MEGF9: variants seen among roughly 807,000 people sequenced by gnomAD.
The protein encoded by MEGF9 is multiple epidermal growth factor-like domains protein 9.
A neutral mutation model predicts 46.8 loss-of-function variants in MEGF9; 6 were observed. The ratio of observed to expected loss-of-function variants is 0.13; its 90% CI spans 0.07 to 0.25. The LOEUF is 0.25. Among genes scored for constraint, MEGF9 ranks in the 10% least tolerant of loss-of-function variants. The pLI is 1.00. For missense variants in MEGF9, 683 were observed against 792.4 expected (o/e 0.86, Z 1.66); for synonymous variants, 302 against 330.7 (o/e 0.91, Z 0.94).
chr9:120,636,247 C>T (rs2043573750), intron 2 of MEGF9, among the ~76,000 whole-genome samples: 1 of 152,108 alleles, frequency 6.6e-6, no homozygotes, highest in African/African-American at 2.4e-5. Context: ...CTACCTCTTC[C>T]TAACTTTCTA....
chr9:120,708,375 C>T (rs542506129), intron 1 of MEGF9, among the ~76,000 whole-genome samples: 2 of 152,184 alleles, frequency 1.3e-5, no homozygotes, highest in Admixed American at 1.3e-4. Flanking sequence ...AAAAACAAAA[C>T]AAAACAAAAC....
chr9:120,606,411 A>G (rs1564410708), intron 5 of MEGF9, among the ~76,000 whole-genome samples: 1 of 152,218 alleles, frequency 6.6e-6, no homozygotes, highest in African/African-American at 2.4e-5. Flanking sequence ...AGGTGTAGGG[A>G]AAACTATACC....
intron 2 of MEGF9, among the ~76,000 whole-genome samples, chr9:120,658,184 A>G (rs1587986807): frequency 6.6e-6 from 1 of 152,072 alleles, no homozygotes; most frequent in Admixed American, 6.5e-5. Context: ...ACGGGGTTTC[A>G]CTGTGCTGGC....
rs141302211 is a variant in MEGF9 at position 120,679,589 on chromosome 9, G to A, written c.602-20014C>T. Among the ~76,000 whole-genome samples, 368 of 151,882 alleles carry A rather than the reference G, an allele frequency of 2.4e-3. 1 individual carries two copies. The highest frequency in any genetic ancestry group is 8.2e-3 in the African/African-American group (340 of 41,408). ...GTATACATATGTGACAAACCTGATC[G>A]TTGTGCACATGTACCCTAGAACTTA... On this transcript the variant is annotated intron_variant, in intron 1 of 5. Transcript: ENST00000373930.
Position 120,651,815 on chromosome 9 carries a change from G to A in MEGF9, c.803+7559C>T, listed in dbSNP as rs377337146. Among the ~76,000 whole-genome samples the A allele has an allele frequency of 1.1e-4, 16 of 151,536 alleles. No individual in the cohort carries two copies. In the East Asian group the frequency reaches 1.6e-3, roughly 15 times the overall value. ...TTACAGGCACCCGCCAGCATGCCCGGCTAATTTTTGTATTTTTAGTAGAGA... is the reference window on the plus strand; with the variant it reads ...TTACAGGCACCCGCCAGCATGCCCGACTAATTTTTGTATTTTTAGTAGAGA... On this transcript the variant is annotated intron_variant, in intron 2 of 5. Coordinates refer to ENST00000373930, the MANE Select transcript of MEGF9 (RefSeq NM_001080497.3).
Position 120,607,979 on chromosome 9 carries a change from C to A in MEGF9, c.1119G>T (p.Gln373His), listed in dbSNP as rs1242228061. Residue 373 changes from glutamine (Q) to histidine (H), a missense_variant, in exon 5 of 6, where the codon CAG (glutamine) becomes CAT (histidine). Physicochemically the swap from Gln to His is conservative, Grantham distance 24. Coordinates refer to ENST00000373930, the MANE Select transcript of MEGF9 (RefSeq NM_001080497.3). ...TCGGGCCTATGTAACCATCTTTACACTGGTCACATTCAGGTTCCAATTCAC... is the reference window on the plus strand; with the variant it reads ...TCGGGCCTATGTAACCATCTTTACAATGGTCACATTCAGGTTCCAATTCAC... ...KSSELEPECD[Q>H]CKDGYIGPNC... 11 of 1,613,856 alleles carry A rather than the reference C, an allele frequency of 6.8e-6. No individual in the cohort carries two copies. The African/African-American group carries it at 1.3e-4, about 20-fold the overall frequency.
chr9:120,680,643 C>T (rs902660162), intron 1 of MEGF9, among the ~76,000 whole-genome samples: 1 of 152,126 alleles, frequency 6.6e-6, no homozygotes, highest in African/African-American at 2.4e-5. Context: ...CCCCTAGACC[C>T]TGGATGTATC....
At chr9:120,644,625 G>T (rs2043617941) in intron 2 of MEGF9, among the ~76,000 whole-genome samples, 1 of 152,064 alleles carries the variant, frequency 6.6e-6, no homozygotes, top group Non-Finnish European at 1.5e-5. Flanking sequence ...TCTGTTTTGG[G>T]GCAAATTAAG....
intron 1 of MEGF9, among the ~76,000 whole-genome samples, chr9:120,679,959 G>A (rs2043791147): frequency 6.7e-6 from 1 of 148,404 alleles, no homozygotes; most frequent in Admixed American, 6.8e-5. Flanking sequence ...AAAAAAGAGA[G>A]AGACTCTGAT....
intron 1 of MEGF9, among the ~76,000 whole-genome samples, chr9:120,709,921 C>T (rs1171958051): frequency 1.3e-5 from 2 of 150,768 alleles, no homozygotes; most frequent in South Asian, 2.1e-4. Flanking sequence ...TGGTGGTGCG[C>T]ACCTGTAATC....
chr9:120,686,146 G>A (rs1294433046), intron 1 of MEGF9, among the ~76,000 whole-genome samples: 1 of 149,796 alleles, frequency 6.7e-6, no homozygotes, highest in Non-Finnish European at 1.5e-5. Context: ...CTGGAGTGCA[G>A]CAGCGTGATC....
chr9:120,634,911 T>C (rs940056311), intron 2 of MEGF9, among the ~76,000 whole-genome samples: 1 of 152,220 alleles, frequency 6.6e-6, no homozygotes, highest in Non-Finnish European at 1.5e-5. Flanking sequence ...TAACAGTGAA[T>C]GTTACACTTT....
intron 2 of MEGF9, among the ~76,000 whole-genome samples, chr9:120,650,770 T>G (rs2043645976): frequency 1.3e-5 from 2 of 152,102 alleles, no homozygotes; most frequent in South Asian, 4.1e-4. Flanking sequence ...TGTTAGGATA[T>G]CAGATTTCTT....
chr9:120,708,465 T>C (rs2043938625), intron 1 of MEGF9, among the ~76,000 whole-genome samples: 1 of 152,252 alleles, frequency 6.6e-6, no homozygotes. Flanking sequence ...TTCTAAATTC[T>C]AGGGCTTGCT....
At chr9:120,657,100 A>G (rs937798891) in intron 2 of MEGF9, among the ~76,000 whole-genome samples, 17 of 152,252 alleles carry the variant, frequency 1.1e-4, no homozygotes, top group African/African-American at 3.9e-4. Context: ...CTCTATCACA[A>G]CTAGTCAATG....
intron 2 of MEGF9, among the ~76,000 whole-genome samples, chr9:120,633,317 T>C (rs1442305642): frequency 6.6e-6 from 1 of 152,174 alleles, no homozygotes; most frequent in Non-Finnish European, 1.5e-5. Context: ...TCAGTCTTGG[T>C]AGCTTGCATG....
chr9:120,666,564 AG>A (rs985029002), intron 1 of MEGF9, among the ~76,000 whole-genome samples: 5 of 152,244 alleles, frequency 3.3e-5, no homozygotes, highest in African/African-American at 1.2e-4. Flanking sequence ...AAAATAGTAG[AG>A]ACACTTTGGA....
At chr9:120,701,598 C>G (rs1232739648) in intron 1 of MEGF9, among the ~76,000 whole-genome samples, 1 of 152,080 alleles carries the variant, frequency 6.6e-6, no homozygotes, top group African/African-American at 2.4e-5. Context: ...CAGACTGAAA[C>G]CAAACTTTTG....
chr9:120,627,548 C>T (rs568144205), intron 2 of MEGF9, among the ~76,000 whole-genome samples: 2 of 152,218 alleles, frequency 1.3e-5, no homozygotes, highest in East Asian at 3.9e-4. Flanking sequence ...CTGCAACCTC[C>T]GCCTCCTGGG....
Sources: gnomAD v4.1 joint callset for allele counts (sites outside exome capture counted in the v4.1 genomes callset) on GRCh38, gnomAD v4.1.1 for gene constraint, MANE v1.5 for transcripts, NCBI Gene and HGNC (gene_info 2026-07-23, HGNC 2026-07-21) for gene names.